The following PRKDC variants were observed in gnomAD, a reference collection of about 807,000 sequenced individuals.
The protein encoded by PRKDC is protein kinase, DNA-activated, catalytic subunit, also known as DNA-dependent protein kinase catalytic subunit.
A neutral mutation model predicts 486.9 loss-of-function variants in PRKDC; 82 were observed. That is an observed-to-expected ratio of 0.17 (90% CI 0.14 to 0.20). The LOEUF (loss-of-function observed/expected upper bound fraction) is 0.20, where lower values mean the gene tolerates loss of function less well. PRKDC is among the 10% of genes least tolerant of loss of function. The pLI is 1.00. For missense variants in PRKDC, 4,504 were observed against 5,038.2 expected (o/e 0.89, Z 3.21); for synonymous variants, 1,895 against 1,837.0 (o/e 1.03, Z -0.81).
chr8:47,782,359 G>A lies in PRKDC; in HGVS notation c.11396+19C>T. The A allele has an allele frequency of 1.9e-6, 3 of 1,607,366 alleles. No individual in the cohort carries two copies. The highest frequency in any genetic ancestry group is 2.5e-6 in the Non-Finnish European group (3 of 1,176,716). On this transcript the variant is annotated intron_variant, in intron 79 of 85. Coordinates refer to ENST00000314191, the MANE Select transcript of PRKDC (RefSeq NM_006904.7). The surrounding 1 kb of genome is among the most constrained non-coding windows in gnomAD (Gnocchi z 4.9). ...GCAATATGCAGCAGCCTACTGGCTG[G>A]GAGCAGCCTGGCAGTTACCTGGAGG...
intron 40 of PRKDC, among the ~76,000 whole-genome samples, chr8:47,873,469 G>A (rs1387239270): frequency 6.6e-6 from 1 of 151,910 alleles, no homozygotes; most frequent in Non-Finnish European, 1.5e-5. Flanking sequence ...ACTTGCACCT[G>A]GGAGGCAGAG....
At chr8:47,872,275 C>G (rs545380742) in intron 40 of PRKDC, among the ~76,000 whole-genome samples, 12 of 151,920 alleles carry the variant, frequency 7.9e-5, no homozygotes, top group African/African-American at 2.9e-4. Context: ...TCAAAAATAA[C>G]ATACAACAAA....
chr8:47,834,583 C>T (rs911850879), intron 58 of PRKDC, among the ~76,000 whole-genome samples, 187 bp from the exon 59 acceptor site: 1 of 152,158 alleles, frequency 6.6e-6, no homozygotes, highest in Non-Finnish European at 1.5e-5. Flanking sequence ...CCTCAGTGCC[C>T]CTGGACCGCA....
At position 47,957,277 on chromosome 8, in the gene PRKDC, G is replaced by C. The variant is rs1281896737; in HGVS notation, c.232-14C>G. ...ACATTCACGAAACTGTAATGAAAGAGATACATATTGTAAATATGGGTAAGA... is the reference window on the plus strand; with the variant it reads ...ACATTCACGAAACTGTAATGAAAGACATACATATTGTAAATATGGGTAAGA... On this transcript the variant is annotated splice_polypyrimidine_tract_variant and intron_variant, in intron 2 of 85. Transcript: ENST00000314191. 1 of 1,582,612 alleles carries C rather than the reference G, an allele frequency of 6.3e-7. No homozygotes were observed.
At position 47,927,219 on chromosome 8, in the gene PRKDC, T is replaced by A. The variant is rs1345590603; in HGVS notation, c.2394A>T (p.Gly798=). 1 of 1,613,720 alleles carries A rather than the reference T, an allele frequency of 6.2e-7. No individual in the cohort carries two copies. The highest frequency in any genetic ancestry group is 8.5e-7 in the Non-Finnish European group (1 of 1,179,798). ...CTGACAAGGCTGAAGTCTTCAGGTA[T>A]CCATCCAGGCAGGGGAGAATGTCTT... ...YYKDILPCLD[G]YLKTSALSDE... The change falls in exon 21 of 86, where the codon GGA becomes GGT. Residue 798 remains glycine (G), a synonymous_variant. Coordinates refer to ENST00000314191, the MANE Select transcript of PRKDC (RefSeq NM_006904.7).
chr8:47,927,647 C>T, intron 20 of PRKDC, 124 bp downstream of exon 20: 1 of 1,270,676 alleles, frequency 7.9e-7, no homozygotes, highest in Non-Finnish European at 1.0e-6. Context: ...GAAGCAGACC[C>T]TGACCCGGGC....
intron 67 of PRKDC, among the ~76,000 whole-genome samples, chr8:47,818,291 G>A (rs1156740186): frequency 6.6e-6 from 1 of 152,014 alleles, no homozygotes; most frequent in Non-Finnish European, 1.5e-5. Context: ...TAAAGACTAG[G>A]TAATATTGGC....
chr8:47,858,937 T>C lies in PRKDC; in HGVS notation c.6257A>G (p.Asp2086Gly). 6.2e-7 allele frequency: 1 copy of C among 1,613,716 alleles called. No individual in the cohort carries two copies. Among genetic ancestry groups the C allele is most frequent in the Non-Finnish European group, 8.5e-7 (1 of 1,179,876 alleles). The change falls in exon 47 of 86, where the codon GAC (aspartate) becomes GGC (glycine). Residue 2086 changes from aspartate (D) to glycine (G), a missense_variant. Around this residue, in one of 6 missense-constraint regions of PRKDC, gnomAD observed 1,592 missense variants for 1,724.6 expected, o/e 0.92. Coordinates refer to ENST00000314191, the MANE Select transcript of PRKDC (RefSeq NM_006904.7). ...VHDDVLELEM[D>G]ELNRHECMAP... ...CATGCACTCATGCCGATTGAGCTCG[T>C]CCATCTCCAGCTCCAGCACATCATC...
intron 21 of PRKDC, among the ~76,000 whole-genome samples, chr8:47,920,204 T>C (rs1589793241): frequency 1.3e-5 from 2 of 152,182 alleles, no homozygotes; most frequent in East Asian, 3.8e-4. Flanking sequence ...GTCAGCCCCC[T>C]GATTCACCAC....
At position 47,817,433 on chromosome 8, in the gene PRKDC, A is replaced by T; in HGVS notation, c.9557+17T>A. On this transcript the variant is annotated intron_variant, in intron 68 of 85. Coordinates refer to ENST00000314191, the MANE Select transcript of PRKDC (RefSeq NM_006904.7). The stretch of plus-strand genomic sequence containing the variant: ...CAAAAAACAATCCACATTTGACTGA[A>T]AGGGACCACGTCTTACCGATTTGTG... The T allele has an allele frequency of 6.6e-7, 1 of 1,506,174 alleles. No individual in the cohort carries two copies. Among genetic ancestry groups the T allele is most frequent in the East Asian group, 2.3e-5 (1 of 43,680 alleles). 93.3% of individuals were successfully genotyped at this position (1,506,174 alleles called of 1,614,324 possible).
chr8:47,913,919 G>T lies in PRKDC; in HGVS notation c.2763C>A (p.Ala921=), dbSNP rs1283331474. The change falls in exon 24 of 86, where the codon GCC becomes GCA. Residue 921 remains alanine, a synonymous_variant. Coordinates refer to ENST00000314191, the MANE Select transcript of PRKDC (RefSeq NM_006904.7). ...GAAGTACTTTAGTTTGTCTGTCACT[G>T]GCTGTGAGCGCTAATTCTGTGACTC... ...LPRVTELALT[A]SDRQTKVAAC... is the part of the protein sequence containing the mutation. The T allele has an allele frequency of 3.1e-6, 5 of 1,608,054 alleles. No individual in the cohort carries two copies. In the African/African-American group the frequency reaches 6.7e-5, roughly 22 times the overall value.
intron 1 of PRKDC, among the ~76,000 whole-genome samples, chr8:47,958,609 ATT>A (rs879511231): frequency 6.6e-5 from 10 of 152,194 alleles, no homozygotes; most frequent in Admixed American, 6.5e-4. Context: ...ACAAAAATGA[ATT>A]CTAAATTTGA....
In PRKDC at chr8:47,773,247, G is replaced by A; in HGVS notation, c.*926C>T. ...CAATCAGAAACAGTTTGGGTGTGGA[G>A]GACTGGCGGGGGGGGACAGGGACTG... On this transcript the variant is annotated 3_prime_UTR_variant, in exon 86 of 86. Transcript: ENST00000314191. 4.4e-6 allele frequency: 1 copy of A among 227,452 alleles called. No individual in the cohort carries two copies. Among genetic ancestry groups the A allele is most frequent in the African/African-American group, 2.2e-5 (1 of 45,004 alleles). The allele number at this position is 227,452 out of a possible 1,614,324, so 14.1% of individuals were successfully genotyped here.
intron 60 of PRKDC, among the ~76,000 whole-genome samples, chr8:47,831,492 C>T (rs1259776902): frequency 6.6e-6 from 1 of 152,176 alleles, no homozygotes; most frequent in Non-Finnish European, 1.5e-5. Flanking sequence ...GCTGCCCTCC[C>T]GCCGCATTGG....
chr8:47,792,675 G>T (rs962981535), intron 74 of PRKDC, among the ~76,000 whole-genome samples: 1 of 152,108 alleles, frequency 6.6e-6, no homozygotes, highest in African/African-American at 2.4e-5. Context: ...TTACCCTGAT[G>T]TGATTGTTAC....
At chr8:47,934,495 A>C (rs1461447452) in intron 14 of PRKDC, among the ~76,000 whole-genome samples, 2 of 152,348 alleles carry the variant, frequency 1.3e-5, no homozygotes, top group East Asian at 3.9e-4. Flanking sequence ...AGATCGTGCC[A>C]CTGCACTCCA....
chr8:47,776,940 T>C lies in PRKDC; in HGVS notation c.12086A>G (p.Gln4029Arg), dbSNP rs753779471. The part of the protein sequence containing the change: ...KMLKKGGSWI[Q>R]EINVAEKNWY... ...ATTTTTTTCAGCAACATTTATTTCT[T>C]GAATCCATGACCCTCCTTTTTTCAG... The change falls in exon 85 of 86, where the codon CAA becomes CGA. Residue 4029 changes from glutamine to arginine, a missense_variant. This residue lies in a region of PRKDC where 706 missense variants were observed against 945.0 expected (regional missense o/e 0.75). Coordinates refer to ENST00000314191, the MANE Select transcript of PRKDC (RefSeq NM_006904.7). The C allele has an allele frequency of 7.4e-6, 12 of 1,613,514 alleles. No homozygotes were observed. In the South Asian group the frequency reaches 1.3e-4, roughly 18 times the overall value.
rs565317945 is a variant in PRKDC at position 47,894,142 on chromosome 8, G to A, written c.3599-755C>T. On this transcript the variant is annotated intron_variant, in intron 30 of 85. Transcript: ENST00000314191. ...CTAAAAATACAAAAATCAGCCAGGC[G>A]TGGTGGTGCGCGCCTGTGGTCTCAG... is the stretch of plus-strand genomic sequence containing the variant. Among the ~76,000 whole-genome samples the A allele has an allele frequency of 3.8e-4, 58 of 152,214 alleles. 1 individual carries two copies. The highest frequency in any genetic ancestry group is 1.3e-3 in the African/African-American group (55 of 41,522).
chr8:47,829,032 T>C (rs868342771), intron 61 of PRKDC, among the ~76,000 whole-genome samples: 1 of 152,354 alleles, frequency 6.6e-6, no homozygotes, highest in African/African-American at 2.4e-5. Context: ...TCCTGGCATA[T>C]AGTGTCTATT....
Sources: allele counts gnomAD v4.1 joint callset (sites outside exome capture counted in the v4.1 genomes callset), GRCh38; gene constraint gnomAD v4.1.1; regional missense constraint gnomAD v4.1.1; non-coding constraint Gnocchi (gnomAD v3.1); transcripts MANE v1.5; gene names NCBI Gene and HGNC (gene_info 2026-07-23, HGNC 2026-07-21).